Variants in WASHC3 observed in about 807,000 individuals in gnomAD.
WASHC3 encodes the protein WASH complex subunit 3, also known as WASH complex subunit CCDC53.
In WASHC3, 24 loss-of-function variants were observed where a neutral mutation model predicts 26.1. The observed-to-expected ratio is 0.92, with a 90% CI of 0.66 to 1.29. The LOEUF (loss-of-function observed/expected upper bound fraction) is 1.29. WASHC3 is among the 50% of genes most tolerant of loss of function. The pLI, the probability that WASHC3 is intolerant of heterozygous loss-of-function variation, is 0.00. For missense variants in WASHC3, 214 were observed against 229.6 expected, an observed-to-expected ratio of 0.93 and a Z score of 0.44; for synonymous variants, 77 against 75.7, an observed-to-expected ratio of 1.02 and a Z score of -0.09.
Position 102,061,971 on chromosome 12 carries a change from C to G in WASHC3, c.-9G>C, listed in dbSNP as rs1291038154. The G allele has an allele frequency of 6.3e-7, 1 of 1,592,728 alleles. No individual in the cohort carries two copies. The highest frequency in any genetic ancestry group is 2.3e-5 in the East Asian group (1 of 43,994). ...AGCCCGTCCTCATCCATCTCCTCAG[C>G]GGGCGGTGGACCCCGAGTTCACCCA... is the stretch of plus-strand genomic sequence containing the variant. On this transcript the variant is annotated 5_prime_UTR_variant, in exon 1 of 7. Transcript: ENST00000240079.
chr12:102,019,321 G>A (rs770959638), intron 6 of WASHC3: 5 of 324,130 alleles, frequency 1.5e-5, no homozygotes, highest in Middle Eastern at 3.8e-4. Flanking sequence ...TTTTCAAGGG[G>A]AACAGAAATT....
intron 6 of WASHC3, among the ~76,000 whole-genome samples, chr12:102,019,780 A>G (rs527632478): frequency 2.0e-5 from 3 of 152,348 alleles, no homozygotes; most frequent in East Asian, 1.9e-4. Flanking sequence ...TTAAAAATAT[A>G]TATCTTTTCA....
intron 2 of WASHC3, among the ~76,000 whole-genome samples, chr12:102,049,112 T>C (rs953950501): frequency 6.6e-6 from 1 of 152,232 alleles, no homozygotes; most frequent in Non-Finnish European, 1.5e-5. Flanking sequence ...TTTTCAATGC[T>C]AGCTATATTG....
At chr12:102,050,453 A>AACACACACACACACAC (rs58251617) in intron 2 of WASHC3, 315 of 333,978 alleles carry the variant, frequency 9.4e-4, no homozygotes, top group African/African-American at 2.1e-3. Context: ...TGCCATCTCT[A>AACACACACACACACAC]ACACACACAC....
At chr12:102,018,180 A>G (rs569171019) in intron 6 of WASHC3, among the ~76,000 whole-genome samples, 3 of 152,316 alleles carry the variant, frequency 2.0e-5, no homozygotes, top group East Asian at 3.9e-4. Flanking sequence ...CACCGTATGT[A>G]TATACCATAA....
rs182295357 is a variant in WASHC3, at chr12:102,056,648, T to G, written c.150+4600A>C. Among the ~76,000 whole-genome samples the G allele has an allele frequency of 2.4e-4, 37 of 152,306 alleles. No homozygotes were observed. The East Asian group carries it at 6.5e-3, about 27-fold the overall frequency. On this transcript the variant is annotated intron_variant, in intron 2 of 6. Coordinates refer to ENST00000240079, the MANE Select transcript of WASHC3 (RefSeq NM_016053.4). ...TAAGAGATTGCTATGACCAATTATA[T>G]GCCAACAGATTGGATAACCTAGAAT...
chr12:102,038,862 A>T (rs1006524770), intron 5 of WASHC3, among the ~76,000 whole-genome samples: 1 of 152,100 alleles, frequency 6.6e-6, no homozygotes, highest in African/African-American at 2.4e-5. Context: ...CTAGGTGATA[A>T]ACTATCCCAT....
At chr12:102,017,066 TG>T (rs1366942895) in intron 6 of WASHC3, among the ~76,000 whole-genome samples, 1 of 152,226 alleles carries the variant, frequency 6.6e-6, no homozygotes, top group Non-Finnish European at 1.5e-5. Flanking sequence ...GCTCCATTCA[TG>T]GTAACTGCCC....
chr12:102,026,039 C>A lies in WASHC3; in HGVS notation c.436-1G>T. 6.6e-7 allele frequency: 1 copy of A among 1,519,608 alleles called. No individual in the cohort carries two copies. Among genetic ancestry groups the A allele is most frequent in the Non-Finnish European group, 9.0e-7 (1 of 1,115,196 alleles). The allele number at this position is 1,519,608 out of a possible 1,614,324, so 94.1% of individuals were successfully genotyped here. A position where few individuals can be genotyped will look rare whatever the true frequency, so the allele number is the denominator to read the frequency against. ...TTCTTATTGCCATCACTGGTACACCCTAAGCAAAGGATATAAGATAATTTC... is the reference window on the plus strand; with the variant it reads ...TTCTTATTGCCATCACTGGTACACCATAAGCAAAGGATATAAGATAATTTC... On this transcript the variant is annotated splice_acceptor_variant, in intron 5 of 6. Coordinates refer to ENST00000240079, the MANE Select transcript of WASHC3 (RefSeq NM_016053.4). LOFTEE classifies it high-confidence loss of function.
chr12:102,049,754 A>G (rs1367596213), intron 2 of WASHC3, among the ~76,000 whole-genome samples: 1 of 152,192 alleles, frequency 6.6e-6, no homozygotes, highest in African/African-American at 2.4e-5. Context: ...GAAGCCAGAA[A>G]AGGAAGCAAT....
At chr12:102,017,893 C>A in intron 6 of WASHC3, 1 of 323,884 alleles carries the variant, frequency 3.1e-6, no homozygotes, top group South Asian at 2.5e-5. Flanking sequence ...CATTGTTGTA[C>A]AACCATCATC....
intron 2 of WASHC3, among the ~76,000 whole-genome samples, chr12:102,049,311 G>A (rs1165970194): frequency 1.3e-5 from 2 of 152,272 alleles, no homozygotes; most frequent in African/African-American, 4.8e-5. Context: ...GGATGACTGT[G>A]GATATAACAT....
chr12:102,021,060 C>A (rs1030045100), intron 6 of WASHC3, among the ~76,000 whole-genome samples: 1 of 151,848 alleles, frequency 6.6e-6, no homozygotes, highest in East Asian at 1.9e-4. Context: ...CCAGCCTGGG[C>A]GACAAGAGCA....
chr12:102,042,053 G>A (rs1877960844), intron 4 of WASHC3, among the ~76,000 whole-genome samples: 3 of 151,978 alleles, frequency 2.0e-5, no homozygotes, highest in South Asian at 2.1e-4. Flanking sequence ...AGTTAGACAG[G>A]TATACTTAAA....
At chr12:102,017,544 T>C (rs1011093552) in intron 6 of WASHC3, among the ~76,000 whole-genome samples, 2 of 152,196 alleles carry the variant, frequency 1.3e-5, no homozygotes, top group Non-Finnish European at 2.9e-5. Context: ...TGGGATGGTG[T>C]AGCAGGCTGC....
At chr12:102,060,163 T>C (rs1444218658) in intron 2 of WASHC3, among the ~76,000 whole-genome samples, 1 of 152,250 alleles carries the variant, frequency 6.6e-6, no homozygotes, top group Non-Finnish European at 1.5e-5. Flanking sequence ...ACAGACTTAC[T>C]TGTGAATATC....
intron 2 of WASHC3, among the ~76,000 whole-genome samples, chr12:102,056,393 C>T: frequency 6.6e-6 from 1 of 152,116 alleles, no homozygotes; most frequent in Non-Finnish European, 1.5e-5. Flanking sequence ...GCCCTTTTGA[C>T]AGAAAACAGA....
rs1007265049 is a variant in WASHC3, at chr12:102,026,023, C to A, written c.451G>T (p.Ala151Ser). 2 of 1,545,828 alleles carry A rather than the reference C, an allele frequency of 1.3e-6. No individual in the cohort carries two copies. Among genetic ancestry groups the A allele is most frequent in the African/African-American group, 1.4e-5 (1 of 73,428 alleles). The part of the protein sequence containing the change: ...KMVQVGVPVM[A>S]IRNKMISEGL... ...TCTGATATCATTTTGTTTCTTATTGCCATCACTGGTACACCCTAAGCAAAG... is the reference window on the plus strand; with the variant it reads ...TCTGATATCATTTTGTTTCTTATTGACATCACTGGTACACCCTAAGCAAAG... Residue 151 changes from alanine (A) to serine (S), a missense_variant, in exon 6 of 7, where the codon GCA becomes TCA. Transcript: ENST00000240079.
intron 6 of WASHC3, 85 bp downstream of exon 6, chr12:102,025,889 A>T: frequency 2.7e-6 from 2 of 752,700 alleles, no homozygotes; most frequent in Non-Finnish European, 4.5e-6. Context: ...AGGAATAAAA[A>T]TACAGAGAAT....
Sources: allele counts gnomAD v4.1 joint callset (sites outside exome capture counted in the v4.1 genomes callset), GRCh38; gene constraint gnomAD v4.1.1; transcripts MANE v1.5; gene names NCBI Gene and HGNC (gene_info 2026-07-23, HGNC 2026-07-21).